The following GLIS3 variants were observed in gnomAD, a reference collection of about 807,000 sequenced individuals.
GLIS3 encodes GLIS family zinc finger 3.
Under a neutral mutation model 78.6 loss-of-function variants are expected in GLIS3, and 53 were observed. The observed-to-expected ratio is 0.67, with a 90% confidence interval of 0.54 to 0.85. GLIS3 has a LOEUF of 0.85. Among genes scored for constraint, GLIS3 ranks in the 40% least tolerant of loss-of-function variants. GLIS3 has a pLI of 0.00. For synonymous variants in GLIS3, 684 were observed against 509.9 expected, an observed-to-expected ratio of 1.34 and a Z score of -4.60; for missense variants, 1,703 against 1,231.1, an observed-to-expected ratio of 1.38 and a Z score of -5.74.
chr9:3,889,038 G>C (rs1367928678), intron 7 of GLIS3, among the ~76,000 whole-genome samples: 2 of 152,100 alleles, frequency 1.3e-5, no homozygotes, highest in Non-Finnish European at 2.9e-5. Context: ...TCTAGGAGAG[G>C]CTTAGATTTT....
chr9:4,031,782 T>G (rs1221893530), intron 4 of GLIS3, among the ~76,000 whole-genome samples: 4 of 152,224 alleles, frequency 2.6e-5, no homozygotes, highest in Admixed American at 2.0e-4. Context: ...GCAATTCAAC[T>G]GAGAGGTCAA....
chr9:3,838,765 G>T (rs977820131), intron 9 of GLIS3, among the ~76,000 whole-genome samples: 1 of 151,918 alleles, frequency 6.6e-6, no homozygotes, highest in Non-Finnish European at 1.5e-5. Context: ...AGAGGAGAAA[G>T]AAGATAAATG....
chr9:3,959,207 T>A (rs769957167), intron 4 of GLIS3, among the ~76,000 whole-genome samples: 20 of 152,176 alleles, frequency 1.3e-4, no homozygotes, highest in Non-Finnish European at 2.9e-4. Context: ...AATGCCCATA[T>A]AGAAAGAGAC....
chr9:4,469,795 T>C, the GLIS3 span, among the ~76,000 whole-genome samples: 23 of 151,860 alleles, frequency 1.5e-4, no homozygotes, highest in African/African-American at 3.6e-4. Flanking sequence ...CAGAGCAGAA[T>C]TGAAGGAGAT....
intron 2 of GLIS3, among the ~76,000 whole-genome samples, chr9:4,323,758 C>G (rs531940571): frequency 9.8e-5 from 15 of 152,320 alleles, no homozygotes; most frequent in African/African-American, 3.6e-4. Context: ...TCCTTAAAGG[C>G]AGAACCATGT....
At position 4,299,902 on chromosome 9, in the gene GLIS3, G is replaced by C. The variant is rs996862096; in HGVS notation, c.-580C>G. On this transcript the variant is annotated 5_prime_UTR_variant, in exon 1 of 11. Transcript: ENST00000381971. Reference sequence around the variant, plus strand: ...TGTGACCCTGGACGGCGCGGACGGCGTACAGGGGGTCCCGGGAGGGGCAGT... The same window carrying C: ...TGTGACCCTGGACGGCGCGGACGGCCTACAGGGGGTCCCGGGAGGGGCAGT... 1 of 152,116 alleles carries C rather than the reference G, an allele frequency of 6.6e-6. No homozygotes were observed. Among genetic ancestry groups the C allele is most frequent in the Non-Finnish European group, 1.5e-5 (1 of 68,040 alleles). The allele number at this position is 152,116 out of a possible 1,614,324, so 9.4% of individuals were successfully genotyped here. A position where few individuals can be genotyped will look rare whatever the true frequency, so the allele number is the denominator to read the frequency against.
intron 4 of GLIS3, among the ~76,000 whole-genome samples, chr9:3,974,625 A>T (rs1251998308): frequency 1.3e-5 from 2 of 152,216 alleles, no homozygotes; most frequent in Admixed American, 6.5e-5. Flanking sequence ...GGCTGAGAGT[A>T]CATGGGGAAT....
In GLIS3 at chr9:4,200,316, G is replaced by GA. The variant is rs940096459; in HGVS notation, c.389-74376dup. On this transcript the variant is annotated intron_variant, in intron 2 of 10. Coordinates refer to ENST00000381971, the MANE Select transcript of GLIS3 (RefSeq NM_001042413.2). Reference sequence around the variant, plus strand: ...AAATAACTAAAATCAGAGCAGAACTGAAAAAAAAAATTGAGACCCAGAAAT... The same window carrying GA: ...AAATAACTAAAATCAGAGCAGAACTGAAAAAAAAAAATTGAGACCCAGAAAT... Among the ~76,000 whole-genome samples, 89 of 146,392 alleles carry GA rather than the reference G, an allele frequency of 6.1e-4. 1 individual carries two copies. The highest frequency in any genetic ancestry group is 2.3e-3 in the Admixed American group (34 of 14,700).
At chr9:3,974,938 T>C (rs1406902015) in intron 4 of GLIS3, among the ~76,000 whole-genome samples, 1 of 151,900 alleles carries the variant, frequency 6.6e-6, no homozygotes, top group East Asian at 1.9e-4. Flanking sequence ...AGAAAGGTGA[T>C]AGGACTAGAA....
At chr9:4,172,437 T>C (rs1031729513) in intron 2 of GLIS3, among the ~76,000 whole-genome samples, 3 of 152,178 alleles carry the variant, frequency 2.0e-5, no homozygotes, top group Admixed American at 6.5e-5. Context: ...TAATTGGGAA[T>C]CTGGAGTTGA....
chr9:4,161,655 AAGTTCTGGATGCT>A (rs1200229014), intron 2 of GLIS3, among the ~76,000 whole-genome samples: 2 of 149,792 alleles, frequency 1.3e-5, no homozygotes, highest in Non-Finnish European at 3.0e-5. Flanking sequence ...TCTTCTCTCC[AAGTTCTGGATGCT>A]AGAAGTCTTT....
intron 6 of GLIS3, among the ~76,000 whole-genome samples, chr9:3,908,743 T>C (rs1350082169): frequency 6.8e-6 from 1 of 148,094 alleles, no homozygotes; most frequent in East Asian, 2.0e-4. Flanking sequence ...AGGATTATTC[T>C]GTTAATGTTT....
chr9:4,293,322 G>A (rs558852674), intron 1 of GLIS3, among the ~76,000 whole-genome samples: 8 of 152,174 alleles, frequency 5.3e-5, no homozygotes, highest in Non-Finnish European at 8.8e-5. Context: ...ACATGTAACT[G>A]AGTGATATTT....
intron 4 of GLIS3, among the ~76,000 whole-genome samples, chr9:3,987,628 C>G (rs1819849261): frequency 6.7e-6 from 1 of 149,416 alleles, no homozygotes; most frequent in African/African-American, 2.5e-5. Context: ...ACCCAGGAGG[C>G]AGAGGTTACA....
intron 2 of GLIS3, among the ~76,000 whole-genome samples, chr9:4,196,984 A>G (rs1818918342): frequency 6.6e-6 from 1 of 152,108 alleles, no homozygotes; most frequent in African/African-American, 2.4e-5. Context: ...GCTTGCCTGG[A>G]CCAGCAGCCT....
the GLIS3 span, among the ~76,000 whole-genome samples, chr9:4,366,626 G>A: frequency 6.6e-6 from 1 of 152,228 alleles, no homozygotes; most frequent in Non-Finnish European, 1.5e-5. Flanking sequence ...TCCTGTAAGA[G>A]AGCTGTTTTG....
chr9:4,191,973 T>C (rs1216042610), intron 2 of GLIS3, among the ~76,000 whole-genome samples: 2 of 152,182 alleles, frequency 1.3e-5, no homozygotes, highest in Non-Finnish European at 2.9e-5. Flanking sequence ...GAAGATTTTT[T>C]TTGGAGGAGG....
At chr9:4,258,851 T>A (rs1163962434) in intron 2 of GLIS3, among the ~76,000 whole-genome samples, 1 of 152,228 alleles carries the variant, frequency 6.6e-6, no homozygotes, top group Non-Finnish European at 1.5e-5. Context: ...CTTTTCTTTC[T>A]TTTCTCATTT....
intron 2 of GLIS3, among the ~76,000 whole-genome samples, chr9:4,250,435 T>A (rs1824258536): frequency 6.6e-6 from 1 of 152,246 alleles, no homozygotes; most frequent in Non-Finnish European, 1.5e-5. Context: ...GATGGTACTT[T>A]GTATTTCTGT....
Sources: gnomAD v4.1 joint callset for allele counts (sites outside exome capture counted in the v4.1 genomes callset) on GRCh38, gnomAD v4.1.1 for gene constraint, MANE v1.5 for transcripts, NCBI Gene and HGNC (gene_info 2026-07-23, HGNC 2026-07-21) for gene names.